RRAS2: variants seen among roughly 807,000 people sequenced by gnomAD.
RRAS2 encodes ras-related protein R-Ras2.
RRAS2 carries 7 observed loss-of-function variants against 27.6 expected under a neutral mutation model. The observed-to-expected ratio is 0.25, with a 90% CI of 0.14 to 0.48. The LOEUF is 0.48. Among genes scored for constraint, RRAS2 ranks in the 20% least tolerant of loss-of-function variants. The probability of loss-of-function intolerance (pLI) is 0.99; values close to 1 mark genes in which losing one functional copy is unlikely to be tolerated. For synonymous variants in RRAS2, 86 were observed against 90.9 expected, an observed-to-expected ratio of 0.95 and a Z score of 0.31; for missense variants, 178 against 256.2, an observed-to-expected ratio of 0.69 and a Z score of 2.08.
chr11:14,340,433 T>TA (rs1848680198), intron 1 of RRAS2, among the ~76,000 whole-genome samples: 1 of 151,928 alleles, frequency 6.6e-6, no homozygotes, highest in Admixed American at 6.6e-5. Flanking sequence ...CCACAGGCTT[T>TA]ACCAAACTAC....
chr11:14,335,094 G>A (rs1848564117), intron 1 of RRAS2, among the ~76,000 whole-genome samples: 1 of 152,144 alleles, frequency 6.6e-6, no homozygotes, highest in South Asian at 2.1e-4. Context: ...AACACTCAAA[G>A]CCATTCCTGA....
At chr11:14,329,803 C>T (rs1324665508) in intron 1 of RRAS2, among the ~76,000 whole-genome samples, 3 of 152,198 alleles carry the variant, frequency 2.0e-5, no homozygotes, top group East Asian at 1.9e-4. Context: ...GGCACAGTGG[C>T]CCATGCCTGT....
At chr11:14,322,204 G>A (rs578011721) in intron 1 of RRAS2, among the ~76,000 whole-genome samples, 1 of 151,850 alleles carries the variant, frequency 6.6e-6, no homozygotes, top group Non-Finnish European at 1.5e-5. Context: ...GCAGGGGCAG[G>A]TGTGTCACTT....
chr11:14,333,596 T>C (rs1228480319), intron 1 of RRAS2, among the ~76,000 whole-genome samples: 3 of 152,180 alleles, frequency 2.0e-5, no homozygotes, highest in Admixed American at 2.0e-4. Context: ...GTACTGTGAA[T>C]TTCATTTTAT....
At chr11:14,311,947 C>G (rs1409299976) in intron 1 of RRAS2, among the ~76,000 whole-genome samples, 1 of 152,086 alleles carries the variant, frequency 6.6e-6, no homozygotes, top group Non-Finnish European at 1.5e-5. Context: ...TCACTGCAAC[C>G]TCCGCCTCCC....
At chr11:14,316,529 C>A (rs963637610) in intron 1 of RRAS2, among the ~76,000 whole-genome samples, 1 of 152,158 alleles carries the variant, frequency 6.6e-6, no homozygotes, top group Non-Finnish European at 1.5e-5. Context: ...TGCTTGAGCC[C>A]AGGAGTTCAA....
chr11:14,285,127 C>T (rs558879363), intron 4 of RRAS2, among the ~76,000 whole-genome samples: 1 of 152,188 alleles, frequency 6.6e-6, no homozygotes, highest in South Asian at 2.1e-4. Context: ...TTGCATTTTA[C>T]CTCCTTTGTT....
chr11:14,306,850 T>A (rs1847841741), intron 1 of RRAS2, among the ~76,000 whole-genome samples: 2 of 146,840 alleles, frequency 1.4e-5, no homozygotes, highest in Admixed American at 1.4e-4. Context: ...AAATCTAAGA[T>A]GACACTGATT....
At chr11:14,325,626 G>T (rs1192681614) in intron 1 of RRAS2, among the ~76,000 whole-genome samples, 1 of 152,104 alleles carries the variant, frequency 6.6e-6, no homozygotes, top group Non-Finnish European at 1.5e-5. Context: ...TTTTAGAATG[G>T]CATTAAGTTT....
upstream of RRAS2, among the ~76,000 whole-genome samples, chr11:14,362,075 G>A (rs992126933): frequency 3.3e-5 from 5 of 152,182 alleles, no homozygotes; most frequent in African/African-American, 4.8e-5. Flanking sequence ...TGTGGTTGCA[G>A]GATTACAGCA....
intron 1 of RRAS2, chr11:14,342,031 A>G: frequency 1.4e-6 from 1 of 726,128 alleles, no homozygotes; most frequent in Non-Finnish European, 1.8e-6. Flanking sequence ...GCTCTATACT[A>G]GCTTTTATCA....
chr11:14,358,997 G>C lies in RRAS2; in HGVS notation c.-127C>G. ...GGCCGGGCTGGGGTCCCGGGTACCG[G>C]GAGGCGTCTGGAGGGCCGGTCAGCG... On this transcript the variant is annotated 5_prime_UTR_variant, in exon 1 of 6. Transcript: ENST00000256196. The surrounding 1 kb of genome is among the most constrained non-coding windows in gnomAD (Gnocchi z 5.1). 1 of 1,141,820 alleles carries C rather than the reference G, an allele frequency of 8.8e-7. No homozygotes were observed. The highest frequency in any genetic ancestry group is 1.1e-6 in the Non-Finnish European group (1 of 931,284). 70.7% of individuals were successfully genotyped at this position (1,141,820 alleles called of 1,614,324 possible).
intron 1 of RRAS2, among the ~76,000 whole-genome samples, chr11:14,314,175 C>G (rs563842646): frequency 6.6e-6 from 1 of 152,268 alleles, no homozygotes; most frequent in East Asian, 1.9e-4. Flanking sequence ...TAATGTCCAT[C>G]ATTAAATGCC....
At chr11:14,316,336 G>GA (rs1374129794) in intron 1 of RRAS2, among the ~76,000 whole-genome samples, 4 of 152,170 alleles carry the variant, frequency 2.6e-5, no homozygotes, top group African/African-American at 9.7e-5. Flanking sequence ...AACCAAAAGA[G>GA]AAAGACAGAA....
intron 1 of RRAS2, among the ~76,000 whole-genome samples, chr11:14,321,123 T>G (rs1375623351): frequency 1.3e-5 from 2 of 150,870 alleles, no homozygotes; most frequent in Non-Finnish European, 2.9e-5. Context: ...GAGGTTGCAG[T>G]GAGCCGAGAT....
At chr11:14,337,346 T>C (rs1164517051) in intron 1 of RRAS2, among the ~76,000 whole-genome samples, 2 of 152,184 alleles carry the variant, frequency 1.3e-5, no homozygotes, top group Non-Finnish European at 2.9e-5. Flanking sequence ...CATTCAACTG[T>C]TGACATTATC....
At chr11:14,341,718 TAC>T (rs556527160) in intron 1 of RRAS2, 5 of 372,932 alleles carry the variant, frequency 1.3e-5, no homozygotes, top group African/African-American at 4.2e-5. Context: ...TCCATTTGAC[TAC>T]ACAGTTAAGT....
At chr11:14,328,550 A>T (rs1848415754) in intron 1 of RRAS2, among the ~76,000 whole-genome samples, 1 of 152,172 alleles carries the variant, frequency 6.6e-6, no homozygotes, top group African/African-American at 2.4e-5. Flanking sequence ...AGTATAAATC[A>T]ATGTAAAAGC....
In RRAS2 at chr11:14,358,890, G is replaced by T; in HGVS notation, c.-20C>A. 7.3e-7 allele frequency: 1 copy of T among 1,375,592 alleles called. No individual in the cohort carries two copies. The highest frequency in any genetic ancestry group is 3.4e-5 in the East Asian group (1 of 29,760). 85.2% of individuals were successfully genotyped at this position (1,375,592 alleles called of 1,614,324 possible). The stretch of plus-strand genomic sequence containing the variant: ...GGCCATGGGGACGCTACAGAGCCCA[G>T]CCTGACTGCGCCGAGCCGCCGCTGC... On this transcript the variant is annotated 5_prime_UTR_variant, in exon 1 of 6. The change creates a new upstream start codon in the 5' untranslated region. Transcript: ENST00000256196. The surrounding 1 kb of genome is among the most constrained non-coding windows in gnomAD (Gnocchi z 5.1).
Sources: gnomAD v4.1 joint callset for allele counts (sites outside exome capture counted in the v4.1 genomes callset) on GRCh38, gnomAD v4.1.1 for gene constraint, Gnocchi (gnomAD v3.1) non-coding constraint, MANE v1.5 for transcripts, NCBI Gene and HGNC (gene_info 2026-07-23, HGNC 2026-07-21) for gene names.